ITGBL1: variants seen among roughly 807,000 people sequenced by gnomAD.
ITGBL1 encodes integrin subunit beta like 1, also known as integrin beta-like protein 1.
A neutral mutation model predicts 68.5 loss-of-function variants in ITGBL1; 51 were observed. The observed-to-expected ratio is 0.74, with a 90% CI of 0.59 to 0.94. ITGBL1 has a LOEUF of 0.94. ITGBL1 is among the 40% of genes least tolerant of loss of function. The pLI is 0.00. For missense variants in ITGBL1, 649 were observed against 647.4 expected, an observed-to-expected ratio of 1.00 and a Z score of -0.03; for synonymous variants, 209 against 227.3, an observed-to-expected ratio of 0.92 and a Z score of 0.72.
chr13:101,605,846 A>G (rs1253171312), intron 7 of ITGBL1, among the ~76,000 whole-genome samples: 1 of 150,776 alleles, frequency 6.6e-6, no homozygotes, highest in African/African-American at 2.4e-5. Context: ...ATGCATATAC[A>G]TATGTATGTG....
chr13:101,671,822 A>T (rs1477686564), intron 7 of ITGBL1, among the ~76,000 whole-genome samples: 2 of 152,196 alleles, frequency 1.3e-5, no homozygotes, highest in Non-Finnish European at 2.9e-5. Flanking sequence ...CTACATGAGT[A>T]TTCTTATGTT....
At chr13:101,534,668 A>C (rs1566719796) in intron 2 of ITGBL1, among the ~76,000 whole-genome samples, 1 of 152,164 alleles carries the variant, frequency 6.6e-6, no homozygotes, top group Non-Finnish European at 1.5e-5. Flanking sequence ...TTAGCACTGA[A>C]AAGGCTGAAG....
intron 2 of ITGBL1, among the ~76,000 whole-genome samples, chr13:101,509,232 A>G (rs77209562): frequency 1.2e-4 from 18 of 152,234 alleles, no homozygotes; most frequent in African/African-American, 4.1e-4. Context: ...TTAAACCATC[A>G]GATCTCATGA....
chr13:101,592,366 G>T (rs538899606), intron 6 of ITGBL1, among the ~76,000 whole-genome samples: 1 of 152,012 alleles, frequency 6.6e-6, no homozygotes, highest in Admixed American at 6.6e-5. Flanking sequence ...ATTCTGCTTC[G>T]GTGAAGTAAC....
intron 2 of ITGBL1, among the ~76,000 whole-genome samples, chr13:101,518,397 T>C (rs2049229351): frequency 6.6e-6 from 1 of 152,322 alleles, no homozygotes; most frequent in Non-Finnish European, 1.5e-5. Context: ...AATTCATCTC[T>C]GTTTTCCCAA....
chr13:101,714,704 C>G, intron 10 of ITGBL1, 153 bp downstream of exon 10: 1 of 609,492 alleles, frequency 1.6e-6, no homozygotes, highest in Non-Finnish European at 2.9e-6. Flanking sequence ...TGGGAAAAAG[C>G]CCTCACAAAA....
chr13:101,566,742 A>G (rs890809161), intron 2 of ITGBL1, among the ~76,000 whole-genome samples: 3 of 152,166 alleles, frequency 2.0e-5, no homozygotes, highest in Admixed American at 6.6e-5. Flanking sequence ...TAGACATAGT[A>G]GTATTGTCTT....
At chr13:101,624,327 A>G (rs1484418938) in intron 7 of ITGBL1, among the ~76,000 whole-genome samples, 3 of 152,104 alleles carry the variant, frequency 2.0e-5, no homozygotes, top group Non-Finnish European at 2.9e-5. Context: ...CTCCCTCCAA[A>G]CCACTCCTCT....
intron 3 of ITGBL1, among the ~76,000 whole-genome samples, 200 bp downstream of exon 3, chr13:101,568,045 TC>T (rs3216746): frequency 0.1 from 15,598 of 152,056 alleles, 1,293 homozygotes; most frequent in African/African-American, 0.23. Context: ...TTCCAGCTGT[TC>T]CAAATGCCTC....
chr13:101,499,820 A>T (rs1380333246), intron 2 of ITGBL1, among the ~76,000 whole-genome samples: 1 of 152,236 alleles, frequency 6.6e-6, no homozygotes, highest in African/African-American at 2.4e-5. Context: ...AGAAACAAGA[A>T]ATAAGAGATG....
chr13:101,489,941 ATT>A, intron 2 of ITGBL1: 1 of 1,495,602 alleles, frequency 6.7e-7, no homozygotes, highest in South Asian at 1.2e-5. Flanking sequence ...AAAACAAAAT[ATT>A]TTTACTTTAA....
intron 7 of ITGBL1, among the ~76,000 whole-genome samples, chr13:101,628,649 C>G (rs900429134): frequency 6.8e-6 from 1 of 147,906 alleles, no homozygotes; most frequent in Non-Finnish European, 1.5e-5. Flanking sequence ...ACCATGTTGT[C>G]CAGGATGGTC....
chr13:101,484,828 A>C (rs961136197), intron 2 of ITGBL1, among the ~76,000 whole-genome samples: 1 of 152,164 alleles, frequency 6.6e-6, no homozygotes, highest in African/African-American at 2.4e-5. Context: ...AATAATGAAA[A>C]TATTTCAAAT....
At chr13:101,490,865 T>C (rs1446871103) in intron 2 of ITGBL1, among the ~76,000 whole-genome samples, 1 of 152,156 alleles carries the variant, frequency 6.6e-6, no homozygotes, top group Non-Finnish European at 1.5e-5. Flanking sequence ...TAACAGGTTT[T>C]TCCCTTGATT....
intron 7 of ITGBL1, among the ~76,000 whole-genome samples, chr13:101,684,575 A>G (rs1204584408): frequency 1.3e-5 from 2 of 151,986 alleles, no homozygotes; most frequent in African/African-American, 4.8e-5. Flanking sequence ...TAGGGCAACT[A>G]ATATACTCTC....
intron 7 of ITGBL1, among the ~76,000 whole-genome samples, chr13:101,625,984 G>A (rs1462892726): frequency 6.6e-6 from 1 of 152,176 alleles, no homozygotes; most frequent in South Asian, 2.1e-4. Context: ...CAGGGAGAAA[G>A]GAGAACTTAA....
chr13:101,670,658 T>A (rs1163269058), intron 7 of ITGBL1, among the ~76,000 whole-genome samples: 1 of 152,220 alleles, frequency 6.6e-6, no homozygotes, highest in Non-Finnish European at 1.5e-5. Flanking sequence ...TTCCCCAGTA[T>A]CAAAGTTCTA....
intron 7 of ITGBL1, among the ~76,000 whole-genome samples, chr13:101,675,766 T>TTCTA (rs2033486165): frequency 6.6e-6 from 1 of 152,214 alleles, no homozygotes; most frequent in Non-Finnish European, 1.5e-5. Context: ...TTCTGCCTCA[T>TTCTA]TCTATCTTTT....
intron 7 of ITGBL1, among the ~76,000 whole-genome samples, chr13:101,682,659 C>T (rs973037402): frequency 9.9e-5 from 15 of 151,704 alleles, no homozygotes; most frequent in Non-Finnish European, 1.9e-4. Flanking sequence ...TTTTCTTTTG[C>T]TCATTTATTA....
Sources: gnomAD v4.1 joint callset for allele counts (sites outside exome capture counted in the v4.1 genomes callset) on GRCh38, gnomAD v4.1.1 for gene constraint, MANE v1.5 for transcripts, NCBI Gene and HGNC (gene_info 2026-07-23, HGNC 2026-07-21) for gene names.